The following ADARB1 variants were observed in gnomAD, a reference collection of about 807,000 sequenced individuals.
The protein encoded by ADARB1 is double-stranded RNA-specific editase 1.
In ADARB1, 10 loss-of-function variants were observed where a neutral mutation model predicts 52.4. That is an observed-to-expected ratio of 0.19 (90% CI 0.12 to 0.32). The LOEUF is 0.32. Ranked by LOEUF, ADARB1 falls within the 10% of genes least tolerant of loss-of-function variation. ADARB1 has a pLI of 1.00. For synonymous variants in ADARB1, 349 were observed against 371.1 expected, an observed-to-expected ratio of 0.94 and a Z score of 0.68; for missense variants, 643 against 922.3, an observed-to-expected ratio of 0.70 and a Z score of 3.92.
intron 8 of ADARB1, among the ~76,000 whole-genome samples, chr21:45,202,717 C>CG (rs1439860957): frequency 6.6e-6 from 1 of 152,136 alleles, no homozygotes; most frequent in Non-Finnish European, 1.5e-5. Context: ...TGAGCGTCTT[C>CG]CCCTGCAGCG....
At chr21:45,202,629 A>C (rs552551595) in intron 8 of ADARB1, among the ~76,000 whole-genome samples, 4 of 152,302 alleles carry the variant, frequency 2.6e-5, no homozygotes, top group African/African-American at 9.6e-5. Flanking sequence ...CGCAGATCTA[A>C]GCCCGAATGT....
At chr21:45,155,368 G>A (rs1305715474) in intron 2 of ADARB1, among the ~76,000 whole-genome samples, 2 of 152,102 alleles carry the variant, frequency 1.3e-5, no homozygotes, top group African/African-American at 2.4e-5. Flanking sequence ...GGCGGCTGTC[G>A]TACCAGCCTC....
At chr21:45,120,563 T>C (rs1377385827) in intron 1 of ADARB1, among the ~76,000 whole-genome samples, 2 of 152,082 alleles carry the variant, frequency 1.3e-5, no homozygotes, top group Non-Finnish European at 2.9e-5. Context: ...CCTTTTGCCT[T>C]CTTTGGTTCT....
chr21:45,154,407 C>T (rs1263899606), intron 2 of ADARB1, among the ~76,000 whole-genome samples: 1 of 152,146 alleles, frequency 6.6e-6, no homozygotes, highest in Non-Finnish European at 1.5e-5. Context: ...TAAGATTGGC[C>T]ATCACATTTA....
intron 8 of ADARB1, among the ~76,000 whole-genome samples, chr21:45,186,907 G>A (rs1382160485): frequency 1.3e-5 from 2 of 152,172 alleles, no homozygotes; most frequent in Non-Finnish European, 2.9e-5. Context: ...TTATGCCAGT[G>A]TCATGCTGTT....
Position 45,180,286 on chromosome 21 carries a change from C to CA in ADARB1, c.964-43dup, listed in dbSNP as rs762372356. ...GCATTGAGAGAGTGAGCCCTGCTCCCAGCTGCATCTGGCCCCTAACCTGCA... is the reference window on the plus strand; with the variant it reads ...GCATTGAGAGAGTGAGCCCTGCTCCCAAGCTGCATCTGGCCCCTAACCTGCA... On this transcript the variant is annotated intron_variant, in intron 4 of 10. Transcript: ENST00000348831. 3.5e-6 allele frequency: 5 copies of CA among 1,410,018 alleles called. No homozygotes were observed. The Admixed American group carries it at 6.9e-5, about 19-fold the overall frequency. 87.3% of individuals were successfully genotyped at this position (1,410,018 alleles called of 1,614,324 possible). A position where few individuals can be genotyped will look rare whatever the true frequency, so the allele number is the denominator to read the frequency against.
At chr21:45,092,290 G>A (rs1452923207) in intron 1 of ADARB1, among the ~76,000 whole-genome samples, 3 of 152,238 alleles carry the variant, frequency 2.0e-5, no homozygotes, top group African/African-American at 4.8e-5. Flanking sequence ...TGGAATCTCT[G>A]TTGAGGATGG....
chr21:45,131,249 G>C (rs1818063823), intron 2 of ADARB1, among the ~76,000 whole-genome samples: 1 of 152,178 alleles, frequency 6.6e-6, no homozygotes, highest in South Asian at 2.1e-4. Flanking sequence ...GGCAGATGTG[G>C]GGTAGGTACT....
In ADARB1 at chr21:45,208,133, GCTT is replaced by G. The variant is rs111576219; in HGVS notation, c.1747+3401_1747+3403del. The stretch of plus-strand genomic sequence containing the variant: ...ACTTGCAAGTTTCAGGACAATTCCA[GCTT>G]CTTATTTATGTCCATTGATCTCCTG... On this transcript the variant is annotated intron_variant, in intron 9 of 10. Coordinates refer to ENST00000348831, the MANE Select transcript of ADARB1 (RefSeq NM_001112.4). The surrounding 1 kb of genome is among the most constrained non-coding windows in gnomAD (Gnocchi z 5.6). Among the ~76,000 whole-genome samples the G allele has an allele frequency of 0.015, 2,297 of 152,272 alleles. 61 individuals carry two copies. Among genetic ancestry groups the G allele is most frequent in the African/African-American group, 0.051 (2,108 of 41,552 alleles).
chr21:45,083,769 A>C (rs1601248493), intron 1 of ADARB1, among the ~76,000 whole-genome samples: 1 of 152,092 alleles, frequency 6.6e-6, no homozygotes, highest in African/African-American at 2.4e-5. Context: ...ATCATAGCTC[A>C]CTGTAGCCAC....
intron 2 of ADARB1, among the ~76,000 whole-genome samples, chr21:45,132,691 G>A (rs1398202401): frequency 1.3e-5 from 2 of 152,026 alleles, no homozygotes; most frequent in East Asian, 1.9e-4. Flanking sequence ...TTTTTTGTCC[G>A]GTTACATCCA....
At chr21:45,076,702 G>T (rs752237472) in intron 1 of ADARB1, among the ~76,000 whole-genome samples, 9 of 152,162 alleles carry the variant, frequency 5.9e-5, no homozygotes, top group Non-Finnish European at 8.8e-5. Context: ...TCACTTCCTC[G>T]TGAATTTATG....
At chr21:45,185,381 T>G (rs528822750) in intron 8 of ADARB1, among the ~76,000 whole-genome samples, 4 of 152,256 alleles carry the variant, frequency 2.6e-5, no homozygotes, top group Non-Finnish European at 5.9e-5. Context: ...ACTGATGTTT[T>G]TAATGGGCTA....
intron 1 of ADARB1, among the ~76,000 whole-genome samples, chr21:45,094,936 G>A (rs1020827941): frequency 2.6e-5 from 4 of 152,156 alleles, no homozygotes; most frequent in African/African-American, 9.7e-5. Flanking sequence ...GCCCAAAGCT[G>A]GCAGCCTCAT....
chr21:45,157,232 A>C lies in ADARB1; in HGVS notation c.-47-14378A>C, dbSNP rs185750530. Among the ~76,000 whole-genome samples, 1 of 152,232 alleles carries C rather than the reference A, an allele frequency of 6.6e-6. No homozygotes were observed. The highest frequency in any genetic ancestry group is 1.5e-5 in the Non-Finnish European group (1 of 68,036). ...TTGAAATTCTAAAGTAAGCATGTAG[A>C]AGTAGATTTGTGAAATTGCACTTGA... On this transcript the variant is annotated intron_variant, in intron 2 of 10. Transcript: ENST00000348831. This position sits in a 1 kb window ranked among gnomAD's most constrained non-coding sequence, Gnocchi z 4.1.
intron 1 of ADARB1, among the ~76,000 whole-genome samples, chr21:45,096,467 C>T (rs2086765592): frequency 6.6e-6 from 1 of 152,232 alleles, no homozygotes; most frequent in South Asian, 2.1e-4. Flanking sequence ...GTGTCCTCAA[C>T]ACTGCCCTGC....
chr21:45,188,111 G>C (rs930909782), intron 8 of ADARB1, among the ~76,000 whole-genome samples: 1 of 151,868 alleles, frequency 6.6e-6, no homozygotes, highest in Admixed American at 6.6e-5. Context: ...ATTTGGTCCT[G>C]GGCTTTTTTT....
chr21:45,135,493 T>C (rs1308338453), intron 2 of ADARB1, among the ~76,000 whole-genome samples: 1 of 152,348 alleles, frequency 6.6e-6, no homozygotes, highest in East Asian at 1.9e-4. Flanking sequence ...AACTGCTGCT[T>C]TCAGCAGGAC....
At position 45,208,087 on chromosome 21, in the gene ADARB1, C is replaced by T. The variant is rs1469224846; in HGVS notation, c.1747+3351C>T. ...TCTCGAGCTTTCTCAGACTTTCTCT[C>T]AAATGAGTTTCACATCCAGCACTTG... On this transcript the variant is annotated intron_variant, in intron 9 of 10. Coordinates refer to ENST00000348831, the MANE Select transcript of ADARB1 (RefSeq NM_001112.4). This position sits in a 1 kb window ranked among gnomAD's most constrained non-coding sequence, Gnocchi z 5.6. Among the ~76,000 whole-genome samples the T allele has an allele frequency of 6.6e-6, 1 of 152,200 alleles. No homozygotes were observed. Among genetic ancestry groups the T allele is most frequent in the African/African-American group, 2.4e-5 (1 of 41,430 alleles).
Sources: gnomAD v4.1 joint callset for allele counts (sites outside exome capture counted in the v4.1 genomes callset) on GRCh38, gnomAD v4.1.1 for gene constraint, Gnocchi (gnomAD v3.1) non-coding constraint, MANE v1.5 for transcripts, NCBI Gene and HGNC (gene_info 2026-07-23, HGNC 2026-07-21) for gene names.